The following ZFPM2 variants were observed in gnomAD, a reference collection of about 807,000 sequenced individuals.
ZFPM2 encodes the protein zinc finger protein, FOG family member 2.
ZFPM2 carries 20 observed loss-of-function variants against 98.6 expected under a neutral mutation model. The ratio of observed to expected loss-of-function variants is 0.20; its 90% CI spans 0.14 to 0.29. The LOEUF is 0.29. ZFPM2 is among the 10% of genes least tolerant of loss of function. The pLI is 1.00. For missense variants in ZFPM2, 1,310 were observed against 1,388.6 expected, an observed-to-expected ratio of 0.94 and a Z score of 0.90; for synonymous variants, 518 against 502.7, an observed-to-expected ratio of 1.03 and a Z score of -0.41.
At chr8:105,618,031 A>G (rs1816457422) in intron 4 of ZFPM2, among the ~76,000 whole-genome samples, 1 of 152,162 alleles carries the variant, frequency 6.6e-6, no homozygotes, top group Non-Finnish European at 1.5e-5. Flanking sequence ...GTGAGAAATA[A>G]TTCACCACAA....
At chr8:105,450,846 G>A (rs905352585) in intron 3 of ZFPM2, among the ~76,000 whole-genome samples, 2 of 152,034 alleles carry the variant, frequency 1.3e-5, no homozygotes, top group African/African-American at 4.8e-5. Context: ...TAGTTAAGTG[G>A]ATATCGGATT....
intron 1 of ZFPM2, among the ~76,000 whole-genome samples, chr8:105,393,386 C>CTTTCCTTTA: frequency 7.1e-6 from 1 of 140,720 alleles, no homozygotes; most frequent in South Asian, 2.2e-4. Context: ...TTCTTTCTTT[C>CTTTCCTTTA]TTTCTTCTTC....
rs537648275 is a variant in ZFPM2 at position 105,768,003 on chromosome 8, A to G, written c.533-20715A>G. ...AAATAATTTTGATTGATCTTATAGC[A>G]GGCATCTCCAGTTAAATGTGCAATT... On this transcript the variant is annotated intron_variant, in intron 5 of 7. Coordinates refer to ENST00000407775, the MANE Select transcript of ZFPM2 (RefSeq NM_012082.4). Among the ~76,000 whole-genome samples, 144 of 151,994 alleles carry G rather than the reference A, an allele frequency of 9.5e-4. 1 individual carries two copies. The highest frequency in any genetic ancestry group is 2.1e-3 in the South Asian group (10 of 4,818).
At chr8:105,670,933 AT>A (rs1183910361) in intron 5 of ZFPM2, among the ~76,000 whole-genome samples, 2 of 152,110 alleles carry the variant, frequency 1.3e-5, no homozygotes, top group Non-Finnish European at 2.9e-5. Context: ...AGTAAAAGTC[AT>A]TTTTTTAATT....
chr8:105,329,801 T>C (rs1229337604), intron 1 of ZFPM2, among the ~76,000 whole-genome samples: 1 of 151,760 alleles, frequency 6.6e-6, no homozygotes, highest in African/African-American at 2.4e-5. Flanking sequence ...GAGAACTTTG[T>C]ACAGATCCAT....
At chr8:105,427,566 C>T (rs540740234) in intron 2 of ZFPM2, among the ~76,000 whole-genome samples, 2 of 152,214 alleles carry the variant, frequency 1.3e-5, no homozygotes, top group South Asian at 2.1e-4. Context: ...TTTTCATTAT[C>T]ATTTGAGAAG....
chr8:105,619,055 T>A (rs540568172), intron 4 of ZFPM2, among the ~76,000 whole-genome samples: 1 of 152,282 alleles, frequency 6.6e-6, no homozygotes, highest in East Asian at 1.9e-4. Context: ...ACATAAAAGA[T>A]CATTATGATT....
At chr8:105,334,410 C>T (rs774677892) in intron 1 of ZFPM2, among the ~76,000 whole-genome samples, 3 of 151,364 alleles carry the variant, frequency 2.0e-5, no homozygotes, top group Non-Finnish European at 3.0e-5. Context: ...TGAGAATATA[C>T]CAAAAGTGAG....
chr8:105,708,229 AATC>A lies in ZFPM2; in HGVS notation c.532+73878_532+73880del, dbSNP rs1811306077. Reference sequence around the variant, plus strand: ...CTCCATATTCTTATAATAATTGGAGAATCATCATATTACATCACATTAATTATG... The same window carrying A: ...CTCCATATTCTTATAATAATTGGAGAATCATATTACATCACATTAATTATG... On this transcript the variant is annotated intron_variant, in intron 5 of 7. Transcript: ENST00000407775. Among the ~76,000 whole-genome samples the A allele has an allele frequency of 2.6e-5, 4 of 152,358 alleles. No homozygotes were observed. In the South Asian group the frequency reaches 8.3e-4, roughly 32 times the overall value.
rs201356162 is a variant in ZFPM2, at chr8:105,561,762, T to C, written c.420+281T>C. Reference sequence around the variant, plus strand: ...ATCTGCTTAGCCAGACCAAGACTGTTCACATTTAGTAATATATAAAATTGC... The same window carrying C: ...ATCTGCTTAGCCAGACCAAGACTGTCCACATTTAGTAATATATAAAATTGC... On this transcript the variant is annotated intron_variant, in intron 4 of 7. Transcript: ENST00000407775. Among the ~76,000 whole-genome samples, 3 of 152,282 alleles carry C rather than the reference T, an allele frequency of 2.0e-5. No individual in the cohort carries two copies. In the East Asian group the frequency reaches 5.8e-4, roughly 29 times the overall value.
intron 3 of ZFPM2, among the ~76,000 whole-genome samples, chr8:105,456,443 T>G (rs1452234052): frequency 1.3e-5 from 2 of 152,100 alleles, no homozygotes; most frequent in Non-Finnish European, 2.9e-5. Flanking sequence ...ATAAATTTTC[T>G]TGGTAAATTA....
In ZFPM2 at chr8:105,659,822, T is replaced by C. The variant is rs562078532; in HGVS notation, c.532+25465T>C. Among the ~76,000 whole-genome samples, 46 of 152,300 alleles carry C rather than the reference T, an allele frequency of 3.0e-4. No individual in the cohort carries two copies. In the South Asian group the frequency reaches 9.3e-3, roughly 31 times the overall value. The stretch of plus-strand genomic sequence containing the variant: ...CATGAGTTTGCAATTAAAGTATAGG[T>C]ATTTACTTACCAAAGCATCCTGTTC... On this transcript the variant is annotated intron_variant, in intron 5 of 7. Transcript: ENST00000407775.
intron 5 of ZFPM2, among the ~76,000 whole-genome samples, chr8:105,669,440 C>A (rs1172263191): frequency 6.6e-6 from 1 of 150,538 alleles, no homozygotes; most frequent in Non-Finnish European, 1.5e-5. Context: ...TATATATATA[C>A]ACACGCATAT....
At chr8:105,785,135 A>T (rs1383806288) in intron 5 of ZFPM2, 2 of 152,136 alleles carry the variant, frequency 1.3e-5, no homozygotes, top group African/African-American at 4.8e-5. Flanking sequence ...GAGAGCATCC[A>T]TGGTCAATTA....
chr8:105,687,799 C>T (rs1460190157), intron 5 of ZFPM2, among the ~76,000 whole-genome samples: 2 of 151,830 alleles, frequency 1.3e-5, no homozygotes, highest in Non-Finnish European at 2.9e-5. Context: ...AACTTAGCTG[C>T]ATAAAGGACG....
At chr8:105,519,278 A>G (rs150280957) in intron 3 of ZFPM2, among the ~76,000 whole-genome samples, 137 of 152,254 alleles carry the variant, frequency 9.0e-4, no homozygotes, top group African/African-American at 3.0e-3. Flanking sequence ...GAAAGTTCAT[A>G]CCTGAAATTT....
chr8:105,336,800 G>A (rs934247873), intron 1 of ZFPM2, among the ~76,000 whole-genome samples: 1 of 148,650 alleles, frequency 6.7e-6, no homozygotes, highest in Non-Finnish European at 1.5e-5. Context: ...TAGATGTATA[G>A]ATATAGATAT....
intron 1 of ZFPM2, among the ~76,000 whole-genome samples, chr8:105,375,146 T>C (rs1449075418): frequency 6.6e-6 from 1 of 152,160 alleles, no homozygotes; most frequent in East Asian, 1.9e-4. Context: ...CATGGCAGCC[T>C]GGATAGGAAA....
intron 5 of ZFPM2, among the ~76,000 whole-genome samples, chr8:105,642,936 G>A (rs778007656): frequency 6.6e-6 from 1 of 152,180 alleles, no homozygotes; most frequent in Non-Finnish European, 1.5e-5. Context: ...GTGTTCATGA[G>A]TGTATCTGTT....
Sources: allele counts gnomAD v4.1 joint callset (sites outside exome capture counted in the v4.1 genomes callset), GRCh38; gene constraint gnomAD v4.1.1; transcripts MANE v1.5; gene names NCBI Gene and HGNC (gene_info 2026-07-23, HGNC 2026-07-21).